GGA2: variants seen among roughly 807,000 people sequenced by gnomAD.
GGA2 encodes the protein golgi associated, gamma adaptin ear containing, ARF binding protein 2, also known as ADP-ribosylation factor-binding protein GGA2.
A neutral mutation model predicts 79.5 loss-of-function variants in GGA2; 48 were observed. The ratio of observed to expected loss-of-function variants is 0.60; its 90% CI spans 0.48 to 0.77. The LOEUF is 0.77. Ranked by LOEUF, GGA2 falls within the 30% of genes least tolerant of loss-of-function variation. GGA2 has a pLI of 0.00. For missense variants in GGA2, 770 were observed against 774.0 expected (o/e 0.99, Z 0.06); for synonymous variants, 317 against 302.0 (o/e 1.05, Z -0.51).
At chr16:23,474,777 G>A in intron 14 of GGA2, 127 bp downstream of exon 14, 2 of 738,214 alleles carry the variant, frequency 2.7e-6, no homozygotes, top group Non-Finnish European at 2.4e-6. Context: ...CTGCCCTCAT[G>A]CAAAATCTCT....
intron 2 of GGA2, among the ~76,000 whole-genome samples, chr16:23,515,660 C>T (rs1597001008): frequency 6.6e-6 from 1 of 151,632 alleles, no homozygotes; most frequent in South Asian, 2.1e-4. Flanking sequence ...CAGACTAACA[C>T]ACAGCTTAAG....
intron 1 of GGA2, among the ~76,000 whole-genome samples, chr16:23,496,230 G>A (rs1964853734): frequency 6.7e-6 from 1 of 149,574 alleles, no homozygotes; most frequent in African/African-American, 2.5e-5. Flanking sequence ...TTGAACTTGG[G>A]AGGTGGAGGT....
intron 14 of GGA2, among the ~76,000 whole-genome samples, chr16:23,472,842 G>A (rs1471914774): frequency 1.3e-5 from 2 of 151,978 alleles, no homozygotes; most frequent in Non-Finnish European, 2.9e-5. Flanking sequence ...AGACCATCCT[G>A]GCTAACACGG....
intron 3 of GGA2, chr16:23,494,039 G>A: frequency 2.0e-6 from 1 of 499,442 alleles, no homozygotes; most frequent in African/African-American, 1.9e-5. Context: ...GCCAGCCCTG[G>A]TCTAAGAAGG....
At chr16:23,495,928 G>A (rs1041962207) in intron 1 of GGA2, 150 bp from the exon 2 acceptor site, 14 of 539,862 alleles carry the variant, frequency 2.6e-5, no homozygotes, top group Non-Finnish European at 3.3e-5. Context: ...TTGTGCCTGC[G>A]CTGCCTACCA....
chr16:23,511,155 C>G (rs1028381113), upstream of GGA2, among the ~76,000 whole-genome samples: 5 of 151,586 alleles, frequency 3.3e-5, no homozygotes, highest in African/African-American at 1.2e-4. Context: ...TTTTATTTTT[C>G]TTTTTTTCTT....
At chr16:23,483,181 G>A (rs974196320) in intron 8 of GGA2, among the ~76,000 whole-genome samples, 177 bp from the exon 9 acceptor site, 4 of 152,148 alleles carry the variant, frequency 2.6e-5, no homozygotes, top group Non-Finnish European at 5.9e-5. Context: ...TTCAGAAAAA[G>A]ACTACAGGCT....
intron 1 of GGA2, among the ~76,000 whole-genome samples, chr16:23,508,938 T>C (rs1364835639): frequency 2.7e-5 from 4 of 150,400 alleles, no homozygotes; most frequent in Non-Finnish European, 5.9e-5. Context: ...CCTTGTCCCC[T>C]GTCTGCATTC....
intron 8 of GGA2, among the ~76,000 whole-genome samples, chr16:23,484,494 GA>G (rs1964688525): frequency 6.6e-6 from 1 of 152,252 alleles, no homozygotes; most frequent in Non-Finnish European, 1.5e-5. Flanking sequence ...AAGGAAGGGA[GA>G]AAACTGTCTG....
At chr16:23,506,732 A>G (rs996023747) in intron 1 of GGA2, among the ~76,000 whole-genome samples, 2 of 151,950 alleles carry the variant, frequency 1.3e-5, no homozygotes, top group South Asian at 2.1e-4. Flanking sequence ...CCACTCCCCA[A>G]CGCTTCCCCA....
chr16:23,467,584 GAA>G lies in GGA2; in HGVS notation c.*4_*5del, dbSNP rs1964456930. 7.0e-7 allele frequency: 1 copy of G among 1,428,184 alleles called. No individual in the cohort carries two copies. The allele number at this position is 1,428,184 out of a possible 1,614,324, so 88.5% of individuals were successfully genotyped here. A position where few individuals can be genotyped will look rare whatever the true frequency, so the allele number is the denominator to read the frequency against. ...GCTTGAAATGAAGGGTCCATCTTGTGAAAAGTTAGGCTGCGCCCAAGACAGCC... is the reference window on the plus strand; with the variant it reads ...GCTTGAAATGAAGGGTCCATCTTGTGAAGTTAGGCTGCGCCCAAGACAGCC... On this transcript the variant is annotated 3_prime_UTR_variant, in exon 17 of 17. Transcript: ENST00000309859.
rs540572272 is a variant in GGA2, at chr16:23,489,769, C to T, written c.476-1060G>A. Among the ~76,000 whole-genome samples the T allele has an allele frequency of 3.3e-5, 5 of 152,238 alleles. No individual in the cohort carries two copies. In the South Asian group the frequency reaches 8.3e-4, roughly 25 times the overall value. ...AAATAAGCTCTTCTCCAGAGGCTCA[C>T]GAAAACAGCGGGAAGGCCTGAAGGC... is the stretch of plus-strand genomic sequence containing the variant. On this transcript the variant is annotated intron_variant, in intron 5 of 16. Transcript: ENST00000309859.
chr16:23,488,518 C>A lies in GGA2; in HGVS notation c.579+88G>T, dbSNP rs1964743371. 4.9e-6 allele frequency: 4 copies of A among 823,864 alleles called. No individual in the cohort carries two copies. The South Asian group carries it at 5.6e-5, about 12-fold the overall frequency. 51.0% of individuals were successfully genotyped at this position (823,864 alleles called of 1,614,324 possible). A position where few individuals can be genotyped will look rare whatever the true frequency, so the allele number is the denominator to read the frequency against. On this transcript the variant is annotated intron_variant, in intron 6 of 16. Coordinates refer to ENST00000309859, the MANE Select transcript of GGA2 (RefSeq NM_015044.4). Reference sequence around the variant, plus strand: ...AGGAGAACCCATGTAACCTGCCCCCCTCCATACTCCGATTCAAGCATCAAA... The same window carrying A: ...AGGAGAACCCATGTAACCTGCCCCCATCCATACTCCGATTCAAGCATCAAA...
chr16:23,483,077 C>G, intron 8 of GGA2, 73 bp from the exon 9 acceptor site: 1 of 930,638 alleles, frequency 1.1e-6, no homozygotes, highest in Non-Finnish European at 1.8e-6. Context: ...GCCCCAGGAG[C>G]CTTCGATCAG....
chr16:23,518,840 T>C (rs1965118265), intron 2 of GGA2, among the ~76,000 whole-genome samples: 1 of 152,214 alleles, frequency 6.6e-6, no homozygotes, highest in Non-Finnish European at 1.5e-5. Context: ...TCTGGCAACG[T>C]GCCAGGTGCT....
intron 1 of GGA2, among the ~76,000 whole-genome samples, chr16:23,503,123 G>A (rs950790548): frequency 1.3e-5 from 2 of 152,068 alleles, no homozygotes; most frequent in African/African-American, 2.4e-5. Context: ...TCCTTTTATC[G>A]GGAACAATAG....
rs1186667962 is a variant in GGA2 at position 23,463,660 on chromosome 16, T to C, written c.*3930A>G. ...ACTGTCAGATGTGCACACAAACATC[T>C]TGGTGCATCGCTTGGCTTTAAAACA... On this transcript the variant is annotated 3_prime_UTR_variant, in exon 17 of 17. Coordinates refer to ENST00000309859, the MANE Select transcript of GGA2 (RefSeq NM_015044.4). 1.3e-5 allele frequency: 2 copies of C among 152,248 alleles called. No individual in the cohort carries two copies. The highest frequency in any genetic ancestry group is 3.9e-4 in the East Asian group (2 of 5,194). The allele number at this position is 152,248 out of a possible 1,614,324, so 9.4% of individuals were successfully genotyped here. A position where few individuals can be genotyped will look rare whatever the true frequency, so the allele number is the denominator to read the frequency against.
At chr16:23,511,604 C>T (rs912047669), upstream of GGA2, among the ~76,000 whole-genome samples, 1 of 151,802 alleles carries the variant, frequency 6.6e-6, no homozygotes, top group Non-Finnish European at 1.5e-5. Flanking sequence ...TTTCCTGGAA[C>T]ACTTCTAAAC....
rs1964407088 is a variant in GGA2, at chr16:23,464,273, A to AAGTTCAT, written c.*3316_*3317insATGAACT. 1 of 152,242 alleles carries AAGTTCAT rather than the reference A, an allele frequency of 6.6e-6. No homozygotes were observed. The highest frequency in any genetic ancestry group is 2.4e-5 in the African/African-American group (1 of 41,472). 9.4% of individuals were successfully genotyped at this position (152,242 alleles called of 1,614,324 possible). A position where few individuals can be genotyped will look rare whatever the true frequency, so the allele number is the denominator to read the frequency against. The stretch of plus-strand genomic sequence containing the variant: ...CAGTCTTAAGTTCATGGAAGATAAT[A>AAGTTCAT]GGAAGAGTAATTAACTGCAGCAAAA... On this transcript the variant is annotated 3_prime_UTR_variant, in exon 17 of 17. Transcript: ENST00000309859.
Sources: allele counts gnomAD v4.1 joint callset (sites outside exome capture counted in the v4.1 genomes callset), GRCh38; gene constraint gnomAD v4.1.1; transcripts MANE v1.5; gene names NCBI Gene and HGNC (gene_info 2026-07-23, HGNC 2026-07-21).